GABRB3: variants seen among roughly 807,000 people sequenced by gnomAD.
The protein encoded by GABRB3 is gamma-aminobutyric acid type A receptor subunit beta3, also known as gamma-aminobutyric acid receptor subunit beta-3.
GABRB3 carries 14 observed loss-of-function variants against 52.1 expected under a neutral mutation model. That is an observed-to-expected ratio of 0.27 (90% confidence interval 0.18 to 0.42). The LOEUF is 0.42. Ranked by LOEUF, GABRB3 falls within the 10% of genes least tolerant of loss-of-function variation. The probability of loss-of-function intolerance (pLI) is 1.00; values close to 1 mark genes in which losing one functional copy is unlikely to be tolerated. For synonymous variants in GABRB3, 260 were observed against 232.3 expected (o/e 1.12, Z -1.08); for missense variants, 307 against 609.1 (o/e 0.50, Z 5.22).
At chr15:26,618,904 A>G (rs1566777437) in intron 4 of GABRB3, among the ~76,000 whole-genome samples, 1 of 149,446 alleles carries the variant, frequency 6.7e-6, no homozygotes, top group Non-Finnish European at 1.5e-5. Context: ...GCAGCCAAAA[A>G]ACACATGAAA....
At chr15:26,657,785 T>G (rs572696635) in intron 3 of GABRB3, among the ~76,000 whole-genome samples, 41 of 152,316 alleles carry the variant, frequency 2.7e-4, no homozygotes, top group Middle Eastern at 3.4e-3. Context: ...ACTGACTCCA[T>G]TTTGTTTCTA....
intron 3 of GABRB3, among the ~76,000 whole-genome samples, chr15:26,662,529 C>T (rs1887582717): frequency 1.3e-5 from 2 of 151,658 alleles, no homozygotes; most frequent in South Asian, 2.1e-4. Context: ...TGTGTAAAAC[C>T]CCATAATAAT....
At position 26,543,838 on chromosome 15, in the gene GABRB3, A is replaced by G. The variant is rs1889121140; in HGVS notation, c.*3955T>C. Reference sequence around the variant, plus strand: ...GAGACAAACGTGACAAAACATGTTCATGGGGTTGGTCCTAGGGAGAGGCAT... The same window carrying G: ...GAGACAAACGTGACAAAACATGTTCGTGGGGTTGGTCCTAGGGAGAGGCAT... On this transcript the variant is annotated 3_prime_UTR_variant, in exon 9 of 9. Transcript: ENST00000311550. The G allele has an allele frequency of 6.6e-6, 1 of 152,606 alleles. No homozygotes were observed. Among genetic ancestry groups the G allele is most frequent in the Admixed American group, 6.6e-5 (1 of 15,262 alleles). 9.5% of individuals were successfully genotyped at this position (152,606 alleles called of 1,614,324 possible).
Position 26,772,913 on chromosome 15 carries a change from A to G in GABRB3, c.50T>C (p.Val17Ala). Reference protein sequence around the residue: ...GRLFGIFSAPVLVAVVCCAQS... With the variant: ...GRLFGIFSAPALVAVVCCAQS... ...GGCGCAGCACACCACAGCCACCAGC[A>G]CCGGGGCCGAGAAGATGCCGAAAAG... is the stretch of plus-strand genomic sequence containing the variant. Residue 17 changes from valine to alanine, a missense_variant, in exon 1 of 9, where the codon GTG (valine) becomes GCG (alanine). Coordinates refer to ENST00000311550, the MANE Select transcript of GABRB3 (RefSeq NM_000814.6). The G allele has an allele frequency of 2.0e-6, 3 of 1,497,764 alleles. No homozygotes were observed. The highest frequency in any genetic ancestry group is 2.7e-6 in the Non-Finnish European group (3 of 1,122,610). The allele number at this position is 1,497,764 out of a possible 1,614,324, so 92.8% of individuals were successfully genotyped here.
intron 3 of GABRB3, among the ~76,000 whole-genome samples, chr15:26,683,077 A>G (rs1263793881): frequency 2.0e-5 from 3 of 148,840 alleles, no homozygotes; most frequent in Non-Finnish European, 4.5e-5. Flanking sequence ...CAGACTCCCC[A>G]GGCCAGCCAG....
intron 3 of GABRB3, among the ~76,000 whole-genome samples, chr15:26,674,245 T>C (rs928229336): frequency 1.3e-5 from 2 of 150,730 alleles, no homozygotes; most frequent in African/African-American, 4.9e-5. Flanking sequence ...CTACTAAAAA[T>C]ACAAAATTTG....
chr15:26,750,449 A>AT (rs1252043105), intron 3 of GABRB3, among the ~76,000 whole-genome samples: 2 of 152,138 alleles, frequency 1.3e-5, no homozygotes, highest in Admixed American at 6.5e-5. Context: ...GGAAATGTCA[A>AT]TTTTTTTGTT....
intron 3 of GABRB3, chr15:26,624,103 G>T: frequency 1.4e-6 from 1 of 714,646 alleles, no homozygotes; most frequent in Non-Finnish European, 1.7e-6. Flanking sequence ...GCTGAGTGGT[G>T]GGTAAAGCAA....
Position 26,732,921 on chromosome 15 carries a change from C to G in GABRB3, c.240+39481G>C, listed in dbSNP as rs865864358. ...GCTAAGATAGGAGGATTCCTTGAGC[C>G]CGGGAGTTTGAGGCTTCAGTGAGCT... On this transcript the variant is annotated intron_variant, in intron 3 of 8. Transcript: ENST00000311550. Among the ~76,000 whole-genome samples, 13 of 151,916 alleles carry G rather than the reference C, an allele frequency of 8.6e-5. No homozygotes were observed. The South Asian group carries it at 2.7e-3, about 32-fold the overall frequency.
intron 3 of GABRB3, among the ~76,000 whole-genome samples, chr15:26,739,080 C>T (rs1595560299): frequency 6.6e-6 from 1 of 152,072 alleles, no homozygotes; most frequent in South Asian, 2.1e-4. Context: ...GACACCGTGG[C>T]CCGCAGTGAC....
chr15:26,714,059 G>C (rs1434438499), intron 3 of GABRB3, among the ~76,000 whole-genome samples: 2 of 152,218 alleles, frequency 1.3e-5, no homozygotes. Context: ...CAATAATAAG[G>C]AGAATATGTT....
At chr15:26,710,614 C>G (rs543247021) in intron 3 of GABRB3, among the ~76,000 whole-genome samples, 1 of 152,270 alleles carries the variant, frequency 6.6e-6, no homozygotes, top group African/African-American at 2.4e-5. Context: ...TGTTTAAGTT[C>G]TTAAGAAACC....
intron 4 of GABRB3, among the ~76,000 whole-genome samples, chr15:26,592,464 T>A (rs1288838198): frequency 2.0e-5 from 3 of 152,150 alleles, no homozygotes; most frequent in Non-Finnish European, 4.4e-5. Flanking sequence ...AAGCTAAAGT[T>A]GAAAAATTTA....
chr15:26,573,046 A>G (rs1890465668), intron 6 of GABRB3, among the ~76,000 whole-genome samples: 1 of 152,186 alleles, frequency 6.6e-6, no homozygotes, highest in Admixed American at 6.5e-5. Context: ...AGGTCATGCC[A>G]GCTTTGTAGA....
chr15:26,684,203 G>A (rs928881137), intron 3 of GABRB3, among the ~76,000 whole-genome samples: 3 of 152,064 alleles, frequency 2.0e-5, no homozygotes, highest in Non-Finnish European at 4.4e-5. Flanking sequence ...ATTTTCTTTA[G>A]TCCGAAACTT....
At chr15:26,602,892 A>G (rs1167282166) in intron 4 of GABRB3, among the ~76,000 whole-genome samples, 1 of 152,074 alleles carries the variant, frequency 6.6e-6, no homozygotes, top group Non-Finnish European at 1.5e-5. Flanking sequence ...CCAAATTAAT[A>G]GAAGAAAAGA....
Position 26,544,239 on chromosome 15 carries a change from A to G in GABRB3, c.*3554T>C, listed in dbSNP as rs2140636471. The G allele has an allele frequency of 6.5e-6, 1 of 152,756 alleles. No individual in the cohort carries two copies. The highest frequency in any genetic ancestry group is 2.4e-5 in the African/African-American group (1 of 41,566). The allele number at this position is 152,756 out of a possible 1,614,324, so 9.5% of individuals were successfully genotyped here. ...GACACATTCTTGTTAGAATACACCA[A>G]TGGTGGGACAAACACCAATGGATTA... On this transcript the variant is annotated 3_prime_UTR_variant, in exon 9 of 9. Transcript: ENST00000311550.
At chr15:26,648,245 C>T (rs547987283) in intron 3 of GABRB3, among the ~76,000 whole-genome samples, 2 of 152,264 alleles carry the variant, frequency 1.3e-5, no homozygotes, top group Admixed American at 6.5e-5. Context: ...TAGCGTTTGT[C>T]CTTTGTGACT....
intron 8 of GABRB3, chr15:26,557,529 T>A (rs776627998): frequency 6.6e-5 from 10 of 152,358 alleles, no homozygotes; most frequent in Non-Finnish European, 1.3e-4. Context: ...CTTTCTTTCA[T>A]CCACATTACT....
Sources: allele counts gnomAD v4.1 joint callset (sites outside exome capture counted in the v4.1 genomes callset), GRCh38; gene constraint gnomAD v4.1.1; transcripts MANE v1.5; gene names NCBI Gene and HGNC (gene_info 2026-07-23, HGNC 2026-07-21).